The following CSMD3 variants were observed in gnomAD, a reference collection of about 807,000 sequenced individuals.
The protein encoded by CSMD3 is CUB and Sushi multiple domains 3, also known as CUB and sushi domain-containing protein 3.
CSMD3 carries 177 observed loss-of-function variants against 435.2 expected under a neutral mutation model. That is an observed-to-expected ratio of 0.41 (90% CI 0.36 to 0.46). The LOEUF is 0.46. Ranked by LOEUF, CSMD3 falls within the 20% of genes least tolerant of loss-of-function variation. The pLI is 0.34. For missense variants in CSMD3, 4,265 were observed against 4,504.6 expected, an observed-to-expected ratio of 0.95 and a Z score of 1.52; for synonymous variants, 1,656 against 1,520.5, an observed-to-expected ratio of 1.09 and a Z score of -2.07.
In CSMD3 at chr8:112,718,780, TC is replaced by T. The variant is rs369482027; in HGVS notation, c.1973-28731del. On this transcript the variant is annotated intron_variant, in intron 13 of 70. Transcript: ENST00000297405. Reference sequence around the variant, plus strand: ...AAAATAACCTATTTATATGTACCTGTCCCCACTTATCTGAAGGTGTATAGAT... The same window carrying T: ...AAAATAACCTATTTATATGTACCTGTCCCACTTATCTGAAGGTGTATAGAT... 1.1e-4 allele frequency among the ~76,000 whole-genome samples: 16 copies of T among 152,128 alleles called. No homozygotes were observed. The East Asian group carries it at 2.7e-3, about 26-fold the overall frequency.
chr8:112,451,378 A>G (rs968665861), intron 32 of CSMD3, among the ~76,000 whole-genome samples: 2 of 152,164 alleles, frequency 1.3e-5, no homozygotes, highest in Admixed American at 1.3e-4. Flanking sequence ...AATGAAAAAA[A>G]AGAAAAAATA....
chr8:113,426,392 T>A (rs1393804423), intron 1 of CSMD3, among the ~76,000 whole-genome samples: 2 of 151,350 alleles, frequency 1.3e-5, no homozygotes, highest in Non-Finnish European at 3.0e-5. Flanking sequence ...GTATCCATTA[T>A]GTGGTACATT....
intron 3 of CSMD3, among the ~76,000 whole-genome samples, chr8:113,207,950 G>A (rs1309431975): frequency 1.3e-5 from 2 of 152,108 alleles, no homozygotes; most frequent in Non-Finnish European, 2.9e-5. Context: ...TTTGGCATAC[G>A]GCCAATGATT....
rs71309797 is a variant in CSMD3 at position 112,984,994 on chromosome 8, T to TGATAGATAGATAGATA, written c.1031-8862_1031-8847dup. ...TATACTTTAGATACATGATAGATTA[T>TGATAGATAGATAGATA]GATAGATAGATAGATAGATAGATAG... On this transcript the variant is annotated intron_variant, in intron 6 of 70. Transcript: ENST00000297405. Among the ~76,000 whole-genome samples the TGATAGATAGATAGATA allele has an allele frequency of 9.7e-3, 1,442 of 148,414 alleles. 6 individuals are homozygous for TGATAGATAGATAGATA. The highest frequency in any genetic ancestry group is 0.014 in the Middle Eastern group (4 of 280).
At chr8:113,278,461 A>G (rs1346185131) in intron 3 of CSMD3, 131 bp downstream of exon 3, 6 of 671,350 alleles carry the variant, frequency 8.9e-6, no homozygotes, top group Admixed American at 2.1e-5. Context: ...ATGATTAATA[A>G]CAAGATAAAT....
intron 13 of CSMD3, among the ~76,000 whole-genome samples, chr8:112,699,424 T>C (rs1563868540): frequency 6.6e-6 from 1 of 151,992 alleles, no homozygotes; most frequent in Non-Finnish European, 1.5e-5. Context: ...AAGGAACCAA[T>C]TCCGAACACA....
Position 112,954,694 on chromosome 8 carries a change from C to G in CSMD3, c.1410G>C (p.Lys470Asn). Reference protein sequence around the residue: ...KLFPGKDNSNKFSILNEGGIK... With the variant: ...KLFPGKDNSNNFSILNEGGIK... ...AAGAAGTACACTCACAGATAGAAAA[C>G]TTGTTGCTGTTGTCTTTCCCTGGAA... Residue 470 changes from lysine (K) to asparagine (N), a missense_variant, in exon 8 of 71, where the codon AAG becomes AAC. Lys to Asn is a moderately conservative substitution (Grantham distance 94). This residue lies in a region of CSMD3 where 731 missense variants were observed against 755.4 expected (regional missense o/e 0.97). Coordinates refer to ENST00000297405, the MANE Select transcript of CSMD3 (RefSeq NM_198123.2). The G allele has an allele frequency of 1.3e-6, 2 of 1,598,272 alleles. No individual in the cohort carries two copies. Among genetic ancestry groups the G allele is most frequent in the Non-Finnish European group, 1.7e-6 (2 of 1,166,756 alleles).
chr8:112,277,000 T>A (rs1818118559), intron 59 of CSMD3, among the ~76,000 whole-genome samples: 1 of 152,010 alleles, frequency 6.6e-6, no homozygotes, highest in Non-Finnish European at 1.5e-5. Flanking sequence ...TCCAGGCCTG[T>A]GATGGGAGGA....
At chr8:112,489,608 C>A (rs1820482926) in intron 31 of CSMD3, among the ~76,000 whole-genome samples, 1 of 152,076 alleles carries the variant, frequency 6.6e-6, no homozygotes, top group Non-Finnish European at 1.5e-5. Context: ...ATATGATTTT[C>A]TCAACAACCT....
intron 4 of CSMD3, among the ~76,000 whole-genome samples, chr8:113,147,746 T>C (rs997452177): frequency 6.6e-6 from 1 of 151,732 alleles, no homozygotes; most frequent in East Asian, 1.9e-4. Context: ...TCATTCCTCA[T>C]TTCAATGAAT....
chr8:113,403,286 T>G, intron 1 of CSMD3, among the ~76,000 whole-genome samples: 1 of 151,428 alleles, frequency 6.6e-6, no homozygotes, highest in East Asian at 1.9e-4. Context: ...CTTGAAAAGA[T>G]AATATTACTA....
intron 3 of CSMD3, among the ~76,000 whole-genome samples, chr8:113,268,850 A>G (rs1351605014): frequency 6.6e-6 from 1 of 152,074 alleles, no homozygotes; most frequent in Admixed American, 6.6e-5. Context: ...GAGGTCACCC[A>G]TTCCTTTGGA....
intron 7 of CSMD3, among the ~76,000 whole-genome samples, chr8:112,955,265 T>C (rs989142949): frequency 2.0e-5 from 3 of 151,726 alleles, no homozygotes; most frequent in African/African-American, 7.2e-5. Context: ...AATAGCTCTG[T>C]CAATCATTTC....
At chr8:113,268,908 T>C (rs1476762981) in intron 3 of CSMD3, among the ~76,000 whole-genome samples, 1 of 152,084 alleles carries the variant, frequency 6.6e-6, no homozygotes, top group Non-Finnish European at 1.5e-5. Context: ...TACGTGATAT[T>C]ATATAGGGAA....
chr8:112,755,360 A>G (rs919362193), intron 13 of CSMD3, among the ~76,000 whole-genome samples: 1 of 148,950 alleles, frequency 6.7e-6, no homozygotes, highest in Non-Finnish European at 1.5e-5. Flanking sequence ...AATAATAATA[A>G]TAATAATAAT....
chr8:112,456,630 T>C (rs756740812), intron 32 of CSMD3, among the ~76,000 whole-genome samples: 1 of 152,144 alleles, frequency 6.6e-6, no homozygotes, highest in South Asian at 2.1e-4. Context: ...ATTACATTTC[T>C]TGTTGATACT....
At chr8:113,013,488 G>C (rs1038253322) in intron 6 of CSMD3, among the ~76,000 whole-genome samples, 1 of 152,010 alleles carries the variant, frequency 6.6e-6, no homozygotes, top group Non-Finnish European at 1.5e-5. Flanking sequence ...GCGAGTTAAG[G>C]GTGGTATGGC....
intron 3 of CSMD3, among the ~76,000 whole-genome samples, chr8:113,246,854 G>A (rs1438812394): frequency 5.9e-5 from 9 of 152,152 alleles, no homozygotes. Flanking sequence ...AGATTGAACG[G>A]AGATTTATTT....
At chr8:113,017,174 T>A (rs961895076) in intron 6 of CSMD3, among the ~76,000 whole-genome samples, 1 of 151,960 alleles carries the variant, frequency 6.6e-6, no homozygotes, top group Non-Finnish European at 1.5e-5. Flanking sequence ...ATAAAACACA[T>A]CTTTTCCATT....
Sources: allele counts gnomAD v4.1 joint callset (sites outside exome capture counted in the v4.1 genomes callset), GRCh38; gene constraint gnomAD v4.1.1; regional missense constraint gnomAD v4.1.1; transcripts MANE v1.5; gene names NCBI Gene and HGNC (gene_info 2026-07-23, HGNC 2026-07-21).